The following N4BP2 variants were observed in gnomAD, a reference collection of about 807,000 sequenced individuals.
The protein encoded by N4BP2 is NEDD4 binding protein 2, also known as NEDD4-binding protein 2.
A neutral mutation model predicts 152.8 loss-of-function variants in N4BP2; 91 were observed. The ratio of observed to expected loss-of-function variants is 0.60; its 90% CI spans 0.50 to 0.71. The LOEUF is 0.71. Ranked by LOEUF, N4BP2 falls within the 30% of genes least tolerant of loss-of-function variation. The pLI is 0.00. For missense variants in N4BP2, 1,923 were observed against 2,059.1 expected (o/e 0.93, Z 1.28); for synonymous variants, 646 against 705.3 (o/e 0.92, Z 1.33).
At chr4:40,150,845 T>G (rs1721090434) in intron 16 of N4BP2, among the ~76,000 whole-genome samples, 1 of 152,184 alleles carries the variant, frequency 6.6e-6, no homozygotes, top group South Asian at 2.1e-4. Flanking sequence ...AAAAACATAT[T>G]TTTGAGATAA....
the N4BP2 span, among the ~76,000 whole-genome samples, chr4:40,185,538 A>C: frequency 6.6e-6 from 1 of 152,152 alleles, no homozygotes; most frequent in Non-Finnish European, 1.5e-5. Context: ...AATACTATAG[A>C]GATAGGTTTG....
intron 13 of N4BP2, among the ~76,000 whole-genome samples, chr4:40,136,585 C>T (rs1217220329): frequency 1.3e-5 from 2 of 152,064 alleles, no homozygotes; most frequent in Non-Finnish European, 2.9e-5. Flanking sequence ...CGGGGTTTCA[C>T]CATGTTGGCC....
the N4BP2 span, among the ~76,000 whole-genome samples, chr4:40,163,601 A>G: frequency 1.3e-5 from 2 of 152,258 alleles, no homozygotes; most frequent in East Asian, 1.9e-4. Context: ...TTGTGTCTGT[A>G]TGTGATGTCT....
At chr4:40,172,923 A>G in the N4BP2 span, among the ~76,000 whole-genome samples, 1 of 152,142 alleles carries the variant, frequency 6.6e-6, no homozygotes, top group Non-Finnish European at 1.5e-5. Flanking sequence ...CATTGAATCT[A>G]CGAACTTTTT....
At chr4:40,161,647 T>TA (rs757973616), downstream of N4BP2, among the ~76,000 whole-genome samples, 1 of 152,222 alleles carries the variant, frequency 6.6e-6, no homozygotes, top group Non-Finnish European at 1.5e-5. Flanking sequence ...CGTAAAATGA[T>TA]ACGATGTTAG....
Position 40,107,649 on chromosome 4 carries a change from G to A in N4BP2, c.1498+625G>A, listed in dbSNP as rs535236667. Among the ~76,000 whole-genome samples, 238 of 152,276 alleles carry A rather than the reference G, an allele frequency of 1.6e-3. 1 individual carries two copies. The highest frequency in any genetic ancestry group is 5.3e-3 in the African/African-American group (221 of 41,568). On this transcript the variant is annotated intron_variant, in intron 5 of 17. Transcript: ENST00000261435. ...TCCGCCTGCCTTGGCCTCCCAAAGT[G>A]CTGAGATTACAGGTGTGAGCCACCG...
chr4:40,162,517 C>T (rs571668747), downstream of N4BP2, among the ~76,000 whole-genome samples: 27 of 152,022 alleles, frequency 1.8e-4, no homozygotes, highest in African/African-American at 5.8e-4. Flanking sequence ...TTTGCTACAC[C>T]GATGATACTT....
At position 40,121,617 on chromosome 4, in the gene N4BP2, T is replaced by C. The variant is rs1386679082; in HGVS notation, c.3506T>C (p.Leu1169Ser). Reference sequence around the variant, plus strand: ...GAAATTATTAGCCAAAGAGGAACTTTAGAGAATTCTAATTCTCCTGTGCCA... The same window carrying C: ...GAAATTATTAGCCAAAGAGGAACTTCAGAGAATTCTAATTCTCCTGTGCCA... ...LKEIISQRGT[L>S]ENSNSPVPEF... Residue 1169 changes from leucine (L) to serine (S), a missense_variant, in exon 9 of 18, where the codon TTA becomes TCA. Physicochemically the swap from Leu to Ser is moderately radical, Grantham distance 145. Coordinates refer to ENST00000261435, the MANE Select transcript of N4BP2 (RefSeq NM_018177.6). 13 of 1,614,166 alleles carry C rather than the reference T, an allele frequency of 8.1e-6. No homozygotes were observed. Among genetic ancestry groups the C allele is most frequent in the African/African-American group, 2.7e-5 (2 of 75,050 alleles).
At chr4:40,185,506 T>G in the N4BP2 span, among the ~76,000 whole-genome samples, 1 of 152,204 alleles carries the variant, frequency 6.6e-6, no homozygotes, top group African/African-American at 2.4e-5. Flanking sequence ...AAAAACAATT[T>G]TATTTTCTAT....
At chr4:40,062,830 T>C (rs1363020617) in intron 1 of N4BP2, among the ~76,000 whole-genome samples, 1 of 152,208 alleles carries the variant, frequency 6.6e-6, no homozygotes. Context: ...GTGGTAGCTC[T>C]AGGAGAAAGC....
chr4:40,165,790 A>G, the N4BP2 span, among the ~76,000 whole-genome samples: 3 of 152,174 alleles, frequency 2.0e-5, no homozygotes, highest in Non-Finnish European at 2.9e-5. Context: ...CAAAGAACTT[A>G]TAGGAAACAT....
At chr4:40,176,481 A>G in the N4BP2 span, among the ~76,000 whole-genome samples, 1 of 152,146 alleles carries the variant, frequency 6.6e-6, no homozygotes, top group East Asian at 1.9e-4. Context: ...TCATACAAGG[A>G]GTGGAGAGTG....
At chr4:40,118,087 T>C (rs1401131849) in intron 8 of N4BP2, 63 bp downstream of exon 8, 1 of 1,340,714 alleles carries the variant, frequency 7.5e-7, no homozygotes, top group African/African-American at 1.5e-5. Flanking sequence ...AGGTATAATT[T>C]TGGAGCTTGT....
In N4BP2 at chr4:40,077,617, C is replaced by T. The variant is rs149513721; in HGVS notation, c.-115+4066C>T. On this transcript the variant is annotated intron_variant, in intron 2 of 17. Transcript: ENST00000261435. The stretch of plus-strand genomic sequence containing the variant: ...TACAGGCACCGGCCACCACACTCGA[C>T]TAATTTTTGTATTTTTAGTAGAGGT... 2.0e-3 allele frequency among the ~76,000 whole-genome samples: 310 copies of T among 152,124 alleles called. 1 individual carries two copies. The highest frequency in any genetic ancestry group is 7.2e-3 in the African/African-American group (299 of 41,516).
intron 1 of N4BP2, among the ~76,000 whole-genome samples, chr4:40,062,008 CTTTATTTATTTTTTGGT>C (rs1320698567): frequency 6.6e-6 from 1 of 150,402 alleles, no homozygotes; most frequent in Admixed American, 6.6e-5. Context: ...TAATTTGCTG[CTTTATTTATTTTTTGGT>C]TTTATTTATT....
At chr4:40,117,655 T>C (rs1272290719) in intron 7 of N4BP2, among the ~76,000 whole-genome samples, 2 of 151,652 alleles carry the variant, frequency 1.3e-5, no homozygotes, top group Non-Finnish European at 3.0e-5. Context: ...AATACTAGAA[T>C]TTTTTTTCTT....
At chr4:40,189,816 G>T in the N4BP2 span, among the ~76,000 whole-genome samples, 1 of 152,036 alleles carries the variant, frequency 6.6e-6, no homozygotes, top group African/African-American at 2.4e-5. The surrounding 1 kb of genome is among the most constrained non-coding windows in gnomAD (Gnocchi z 4.3). Flanking sequence ...TTGAACCCGG[G>T]AGGTGGAGGT....
the N4BP2 span, among the ~76,000 whole-genome samples, chr4:40,190,439 C>A: frequency 6.6e-6 from 1 of 152,200 alleles, no homozygotes; most frequent in African/African-American, 2.4e-5. Flanking sequence ...GTCCTTTTAA[C>A]TCATTGTGAC....
rs1258154821 is a variant in N4BP2 at position 40,142,141 on chromosome 4, GGAGGGA to G, written c.4786-514_4786-509del. 1.7e-3 allele frequency: 280 copies of G among 162,200 alleles called. 2 individuals carry two copies. Among genetic ancestry groups the G allele is most frequent in the African/African-American group, 5.2e-3 (213 of 40,704 alleles). 10.0% of individuals were successfully genotyped at this position (162,200 alleles called of 1,614,324 possible). On this transcript the variant is annotated intron_variant, in intron 14 of 17. Coordinates refer to ENST00000261435, the MANE Select transcript of N4BP2 (RefSeq NM_018177.6). The stretch of plus-strand genomic sequence containing the variant: ...GGAGACCATAGGGAGAGGGGGAGGG[GGAGGGA>G]GAGGGAGAGGGAGAGGGCAGCGTGT...
Sources: allele counts gnomAD v4.1 joint callset (sites outside exome capture counted in the v4.1 genomes callset), GRCh38; gene constraint gnomAD v4.1.1; non-coding constraint Gnocchi (gnomAD v3.1); transcripts MANE v1.5; gene names NCBI Gene and HGNC (gene_info 2026-07-23, HGNC 2026-07-21).